The following UBE2U variants were observed in gnomAD, a reference collection of about 807,000 sequenced individuals.
UBE2U encodes the protein ubiquitin-conjugating enzyme E2 U.
In UBE2U, 39 loss-of-function variants were observed where a neutral mutation model predicts 41.2. That is an observed-to-expected ratio of 0.95 (90% CI 0.73 to 1.24). UBE2U has a LOEUF of 1.24. UBE2U is among the 50% of genes most tolerant of loss of function. The probability of loss-of-function intolerance (pLI) is 0.00; values close to 1 mark genes in which losing one functional copy is unlikely to be tolerated. For synonymous variants in UBE2U, 107 were observed against 117.8 expected, an observed-to-expected ratio of 0.91 and a Z score of 0.60; for missense variants, 336 against 363.1, an observed-to-expected ratio of 0.93 and a Z score of 0.61.
At chr1:64,246,183 A>T (rs1644917624) in intron 8 of UBE2U, among the ~76,000 whole-genome samples, 1 of 152,106 alleles carries the variant, frequency 6.6e-6, no homozygotes, top group South Asian at 2.1e-4. Flanking sequence ...AAATACCAAT[A>T]AAAAAACTTT....
chr1:64,219,783 A>G (rs1033822262), intron 5 of UBE2U, among the ~76,000 whole-genome samples: 7 of 152,102 alleles, frequency 4.6e-5, no homozygotes, highest in Admixed American at 2.6e-4. Context: ...TTTTTTTAGT[A>G]GAGATGAGGT....
At chr1:64,227,998 T>C (rs373324116) in intron 6 of UBE2U, among the ~76,000 whole-genome samples, 1 of 152,196 alleles carries the variant, frequency 6.6e-6, no homozygotes, top group East Asian at 1.9e-4. Context: ...CTTCCCAAAT[T>C]AAACTGTAGA....
At chr1:64,224,923 T>C (rs1652759489) in intron 6 of UBE2U, among the ~76,000 whole-genome samples, 1 of 137,652 alleles carries the variant, frequency 7.3e-6, no homozygotes, top group South Asian at 2.3e-4. Context: ...TAAAATACTG[T>C]ATAGGATATT....
At chr1:64,244,130 A>T (rs905023266) in intron 8 of UBE2U, 2 of 1,608,768 alleles carry the variant, frequency 1.2e-6, no homozygotes, top group African/African-American at 2.7e-5. Flanking sequence ...CAATTTGCAG[A>T]TGAAAAATCT....
intron 2 of UBE2U, among the ~76,000 whole-genome samples, 195 bp downstream of exon 2, chr1:64,205,915 A>G (rs1242042215): frequency 6.6e-6 from 1 of 152,094 alleles, no homozygotes; most frequent in African/African-American, 2.4e-5. Flanking sequence ...CTTTTTTGCC[A>G]TGTGTCAACA....
chr1:64,258,044 C>A (rs1281301922), intron 8 of UBE2U, among the ~76,000 whole-genome samples: 1 of 152,190 alleles, frequency 6.6e-6, no homozygotes, highest in Non-Finnish European at 1.5e-5. Context: ...CCCTGAATGT[C>A]AGGAACAAGG....
chr1:64,224,087 C>T (rs1333772624), intron 6 of UBE2U, among the ~76,000 whole-genome samples: 1 of 152,038 alleles, frequency 6.6e-6, no homozygotes, highest in Non-Finnish European at 1.5e-5. Context: ...GGTGAACATG[C>T]TAAATATACA....
chr1:64,209,726 T>C (rs574463740), intron 3 of UBE2U, among the ~76,000 whole-genome samples: 6 of 151,404 alleles, frequency 4.0e-5, no homozygotes, highest in African/African-American at 1.5e-4. Flanking sequence ...TTTAAGTCTT[T>C]ATATAAAAAG....
At chr1:64,262,333 A>C (rs1645191362) in intron 9 of UBE2U, among the ~76,000 whole-genome samples, 1 of 152,130 alleles carries the variant, frequency 6.6e-6, no homozygotes, top group South Asian at 2.1e-4. Context: ...ACACACATTT[A>C]TTATTTTACT....
chr1:64,213,167 T>A (rs1021239785), intron 4 of UBE2U, among the ~76,000 whole-genome samples: 1 of 152,160 alleles, frequency 6.6e-6, no homozygotes, highest in Non-Finnish European at 1.5e-5. Context: ...TCCTCACACC[T>A]AGACTCTCCC....
At position 64,239,172 on chromosome 1, in the gene UBE2U, G is replaced by GAAGAAGAAGAAGAA. The variant is rs1644779626; in HGVS notation, c.596-2479_596-2466dup. On this transcript the variant is annotated intron_variant, in intron 7 of 9. Coordinates refer to ENST00000371077, the MANE Select transcript of UBE2U (RefSeq NM_001366232.2). ...GAAGAAGAAGAAAGAAGAAGAAGAA[G>GAAGAAGAAGAAGAA]AAGAAGAAGAAGAAGAAGAAAGCCC... is the stretch of plus-strand genomic sequence containing the variant. 1.4e-4 allele frequency among the ~76,000 whole-genome samples: 13 copies of GAAGAAGAAGAAGAA among 95,700 alleles called. 1 individual carries two copies. The highest frequency in any genetic ancestry group is 5.6e-4 in the African/African-American group (12 of 21,340). 62.8% of individuals were successfully genotyped at this position (95,700 alleles called of 152,430 possible).
intron 5 of UBE2U, among the ~76,000 whole-genome samples, chr1:64,216,345 G>A (rs914627452): frequency 6.6e-6 from 1 of 152,184 alleles, no homozygotes; most frequent in Admixed American, 6.5e-5. Context: ...TGGAATACCA[G>A]TAGGCTCCAC....
chr1:64,215,811 C>T (rs1651967940), intron 5 of UBE2U, among the ~76,000 whole-genome samples: 2 of 152,114 alleles, frequency 1.3e-5, no homozygotes, highest in Admixed American at 1.3e-4. Context: ...CCTCCATTGC[C>T]CCTGTGCGCT....
At chr1:64,227,027 G>A (rs756933098) in intron 6 of UBE2U, among the ~76,000 whole-genome samples, 3 of 152,156 alleles carry the variant, frequency 2.0e-5, no homozygotes, top group Non-Finnish European at 2.9e-5. Context: ...GGGAAAAGCC[G>A]TAAAATTATC....
chr1:64,213,146 T>C (rs1193378339), intron 4 of UBE2U, among the ~76,000 whole-genome samples: 1 of 152,180 alleles, frequency 6.6e-6, no homozygotes, highest in African/African-American at 2.4e-5. Flanking sequence ...CTAGTTCTGT[T>C]GCATATCTAA....
intron 6 of UBE2U, among the ~76,000 whole-genome samples, chr1:64,231,500 A>C (rs1464066101): frequency 1.3e-5 from 2 of 152,232 alleles, no homozygotes; most frequent in Non-Finnish European, 2.9e-5. Flanking sequence ...TGGAAGCAAT[A>C]ATAGTAATGA....
intron 5 of UBE2U, among the ~76,000 whole-genome samples, chr1:64,219,318 C>CT (rs35441650): frequency 8.6e-5 from 13 of 151,018 alleles, no homozygotes; most frequent in African/African-American, 1.9e-4. Flanking sequence ...GTGATTTATT[C>CT]TTTTTTTTTC....
At chr1:64,263,625 T>C (rs968510803) in intron 9 of UBE2U, among the ~76,000 whole-genome samples, 1 of 152,204 alleles carries the variant, frequency 6.6e-6, no homozygotes. Context: ...AATGAACTTA[T>C]ATAGGATATC....
intron 5 of UBE2U, among the ~76,000 whole-genome samples, chr1:64,218,355 C>T (rs7526950): frequency 0.19 from 28,989 of 152,050 alleles, 3,054 homozygotes; most frequent in Non-Finnish European, 0.24. Flanking sequence ...TTTCATTATA[C>T]CAGATAGTCC....
Sources: allele counts gnomAD v4.1 joint callset (sites outside exome capture counted in the v4.1 genomes callset), GRCh38; gene constraint gnomAD v4.1.1; transcripts MANE v1.5; gene names NCBI Gene and HGNC (gene_info 2026-07-23, HGNC 2026-07-21).